Variants in ESR1 observed in about 807,000 individuals in gnomAD.
The protein encoded by ESR1 is estrogen receptor 1, also known as estrogen receptor.
A neutral mutation model predicts 52.7 loss-of-function variants in ESR1; 12 were observed. The observed-to-expected ratio is 0.23, with a 90% CI of 0.15 to 0.37. The LOEUF (loss-of-function observed/expected upper bound fraction) is 0.37. Ranked by LOEUF, ESR1 falls within the 10% of genes least tolerant of loss-of-function variation. ESR1 has a pLI of 1.00. For missense variants in ESR1, 584 were observed against 779.7 expected, an observed-to-expected ratio of 0.75 and a Z score of 2.99; for synonymous variants, 305 against 316.8, an observed-to-expected ratio of 0.96 and a Z score of 0.39.
intron 1 of ESR1, among the ~76,000 whole-genome samples, chr6:151,700,701 T>G (rs796672802): frequency 1.9e-4 from 27 of 141,514 alleles, no homozygotes; most frequent in African/African-American, 6.7e-4. Flanking sequence ...GAGAAAAAAA[T>G]TGTAAATTAG....
chr6:151,726,346 T>TG (rs1207463213), intron 2 of ESR1, among the ~76,000 whole-genome samples: 1 of 152,152 alleles, frequency 6.6e-6, no homozygotes, highest in East Asian at 1.9e-4. Context: ...CTTTTTTTTT[T>TG]TTTGAGACGG....
intron 1 of ESR1, among the ~76,000 whole-genome samples, chr6:151,676,806 A>C (rs1022237164): frequency 6.6e-6 from 1 of 152,136 alleles, no homozygotes; most frequent in Non-Finnish European, 1.5e-5. Context: ...AACATCAACA[A>C]GTCCTAGCAG....
chr6:151,733,495 T>G (rs1782413473), intron 2 of ESR1, among the ~76,000 whole-genome samples: 1 of 152,182 alleles, frequency 6.6e-6, no homozygotes, highest in Admixed American at 6.5e-5. Flanking sequence ...ATCTTCCTCT[T>G]CCTCCTCATC....
intron 6 of ESR1, among the ~76,000 whole-genome samples, chr6:152,069,952 T>G (rs928186890): frequency 7.3e-6 from 1 of 137,492 alleles, no homozygotes; most frequent in Admixed American, 6.8e-5. Context: ...TTGGTTTTGT[T>G]AATTTTATGA....
In ESR1 at chr6:152,099,203, C is replaced by G. The variant is rs950898852; in HGVS notation, c.*237C>G. 1.8e-6 allele frequency: 1 copy of G among 569,000 alleles called. No homozygotes were observed. Among genetic ancestry groups the G allele is most frequent in the Non-Finnish European group, 3.2e-6 (1 of 313,728 alleles). The allele number at this position is 569,000 out of a possible 1,614,324, so 35.2% of individuals were successfully genotyped here. On this transcript the variant is annotated 3_prime_UTR_variant, in exon 8 of 8. Coordinates refer to ENST00000206249, the MANE Select transcript of ESR1 (RefSeq NM_000125.4). ...AAATCTTTGTAACAGCTCTCTTTCCCCCTTGCTATGTTACTAAGCGTGAGG... is the reference window on the plus strand; with the variant it reads ...AAATCTTTGTAACAGCTCTCTTTCCGCCTTGCTATGTTACTAAGCGTGAGG...
In ESR1 at chr6:151,965,187, G is replaced by A. The variant is rs556529808; in HGVS notation, c.1096+20679G>A. The stretch of plus-strand genomic sequence containing the variant: ...TCATGTATCATCTGATCCAAAACTC[G>A]CTATTTTTCAGTTAATATGCAGTGA... On this transcript the variant is annotated intron_variant, in intron 4 of 7. Coordinates refer to ENST00000206249, the MANE Select transcript of ESR1 (RefSeq NM_000125.4). Among the ~76,000 whole-genome samples the A allele has an allele frequency of 9.9e-5, 15 of 151,998 alleles. No individual in the cohort carries two copies. The East Asian group carries it at 2.3e-3, about 24-fold the overall frequency.
At chr6:151,904,055 T>G (rs1797086195) in intron 3 of ESR1, among the ~76,000 whole-genome samples, 1 of 152,346 alleles carries the variant, frequency 6.6e-6, no homozygotes, top group East Asian at 1.9e-4. Context: ...TCCCTTGATA[T>G]AAGTCTATTA....
intron 2 of ESR1, among the ~76,000 whole-genome samples, chr6:151,850,092 A>ATACAAAATTATATATATATT (rs1437004141): frequency 6.7e-5 from 1 of 14,946 alleles, no homozygotes; most frequent in Non-Finnish European, 1.5e-4. Context: ...ATATATATAT[A>ATACAAAATTATATATATATT]ATTTTATATA....
intron 1 of ESR1, among the ~76,000 whole-genome samples, chr6:151,810,091 A>T (rs1216661614): frequency 6.6e-6 from 1 of 152,112 alleles, no homozygotes; most frequent in Admixed American, 6.5e-5. Flanking sequence ...TCCTTGGTAG[A>T]TTATTTACTG....
At chr6:151,788,507 G>A (rs1331872665) in intron 2 of ESR1, among the ~76,000 whole-genome samples, 1 of 152,190 alleles carries the variant, frequency 6.6e-6, no homozygotes, top group Non-Finnish European at 1.5e-5. Flanking sequence ...GTTGGTGGGA[G>A]TGTAAATTAG....
At chr6:151,999,841 A>G (rs914208223) in intron 4 of ESR1, among the ~76,000 whole-genome samples, 8 of 152,002 alleles carry the variant, frequency 5.3e-5, no homozygotes, top group Non-Finnish European at 8.8e-5. Flanking sequence ...TCATTTTGTG[A>G]TTTTTAAAAA....
At chr6:152,042,056 G>A (rs2982728) in intron 5 of ESR1, among the ~76,000 whole-genome samples, 63,594 of 152,020 alleles carry the variant, frequency 0.42, 14,623 homozygotes, top group East Asian at 0.6. Flanking sequence ...GGTGGGAATC[G>A]CCACCCCTGC....
upstream of ESR1, among the ~76,000 whole-genome samples, chr6:151,803,208 A>T (rs1014281839): frequency 1.3e-5 from 2 of 152,186 alleles, no homozygotes; most frequent in Non-Finnish European, 2.9e-5. Flanking sequence ...GAGCAGCATG[A>T]GGAGATAAAA....
chr6:151,801,875 T>C (rs1777280257), upstream of ESR1, among the ~76,000 whole-genome samples: 1 of 152,188 alleles, frequency 6.6e-6, no homozygotes, highest in African/African-American at 2.4e-5. Context: ...GGCTGGGCCA[T>C]TGGTAGGAAA....
chr6:152,004,492 T>C (rs1411107465), intron 4 of ESR1, among the ~76,000 whole-genome samples: 1 of 152,000 alleles, frequency 6.6e-6, no homozygotes, highest in African/African-American at 2.4e-5. Flanking sequence ...ATACCTCATG[T>C]ATGCATTACA....
At chr6:151,972,440 A>G (rs2128638841) in intron 4 of ESR1, among the ~76,000 whole-genome samples, 1 of 152,340 alleles carries the variant, frequency 6.6e-6, no homozygotes, top group African/African-American at 2.4e-5. Context: ...AGCATATCAG[A>G]AAGATAATCA....
rs565030252 is a variant in ESR1, at chr6:152,040,103, C to T, written c.1236-20888C>T. On this transcript the variant is annotated intron_variant, in intron 5 of 7. Transcript: ENST00000206249. ...AAGAGGTTCAGTATAATCAACCTGC[C>T]ACCAAGTAGCTGGCTGATCACCCCG... Among the ~76,000 whole-genome samples, 5 of 152,330 alleles carry T rather than the reference C, an allele frequency of 3.3e-5. No homozygotes were observed. The East Asian group carries it at 7.7e-4, about 24-fold the overall frequency.
intron 4 of ESR1, among the ~76,000 whole-genome samples, chr6:151,961,909 G>A (rs3020401): frequency 0.56 from 85,282 of 151,976 alleles, 25,637 homozygotes; most frequent in Middle Eastern, 0.72. Flanking sequence ...CAGCATGGGC[G>A]GCTGGCAGAG....
intron 2 of ESR1, among the ~76,000 whole-genome samples, chr6:151,752,007 A>G (rs921495014): frequency 2.6e-5 from 4 of 152,208 alleles, no homozygotes; most frequent in African/African-American, 7.2e-5. Flanking sequence ...TTCTGTCTCT[A>G]TGCATTTAAG....
Sources: gnomAD v4.1 joint callset for allele counts (sites outside exome capture counted in the v4.1 genomes callset) on GRCh38, gnomAD v4.1.1 for gene constraint, MANE v1.5 for transcripts, NCBI Gene and HGNC (gene_info 2026-07-23, HGNC 2026-07-21) for gene names.